COL24A1: variants seen among roughly 807,000 people sequenced by gnomAD.
COL24A1 encodes the protein collagen alpha-1(XXIV) chain.
In COL24A1, 224 loss-of-function variants were observed where a neutral mutation model predicts 253.9. The ratio of observed to expected loss-of-function variants is 0.88; its 90% CI spans 0.79 to 0.99. The LOEUF (loss-of-function observed/expected upper bound fraction) is 0.99, where lower values mean the gene tolerates loss of function less well. Ranked by LOEUF, COL24A1 falls within the 50% of genes least tolerant of loss-of-function variation. The pLI is 0.00. For synonymous variants in COL24A1, 685 were observed against 673.7 expected (o/e 1.02, Z -0.26); for missense variants, 2,131 against 2,068.5 (o/e 1.03, Z -0.59).
At position 85,823,648 on chromosome 1, in the gene COL24A1, A is replaced by C; in HGVS notation, c.3735+37T>G. ...AAGCAGAGACCAAATAAGTTATATTAATGTTAATTTTTAGAAATAATGCTT... is the reference window on the plus strand; with the variant it reads ...AAGCAGAGACCAAATAAGTTATATTCATGTTAATTTTTAGAAATAATGCTT... On this transcript the variant is annotated intron_variant, in intron 44 of 59. Transcript: ENST00000370571. 1.9e-6 allele frequency: 3 copies of C among 1,613,028 alleles called. No individual in the cohort carries two copies. In the African/African-American group the frequency reaches 4.0e-5, roughly 22 times the overall value.
In COL24A1 at chr1:85,971,390, G is replaced by A. The variant is rs776524068; in HGVS notation, c.2368C>T (p.Leu790Phe). Residue 790 changes from leucine to phenylalanine, a missense_variant, in exon 21 of 60, where the codon CTC (leucine) becomes TTC (phenylalanine). Coordinates refer to ENST00000370571, the MANE Select transcript of COL24A1 (RefSeq NM_152890.7). ...CCAGGAGGTCCTCTATTTCCAAGGA[G>A]TCCCTATAAAAGCAATATAAATGCA... ...GQNGPEGPKG[L>F]LGNRGPPGPP... 4 of 1,610,564 alleles carry A rather than the reference G, an allele frequency of 2.5e-6. No homozygotes were observed. Among genetic ancestry groups the A allele is most frequent in the Non-Finnish European group, 3.4e-6 (4 of 1,178,186 alleles).
intron 12 of COL24A1, among the ~76,000 whole-genome samples, chr1:86,035,412 GA>G (rs1334682017): frequency 1.3e-5 from 2 of 152,108 alleles, no homozygotes; most frequent in African/African-American, 4.8e-5. Context: ...AGAGATGATT[GA>G]TTTTTTTTAG....
intron 37 of COL24A1, among the ~76,000 whole-genome samples, 164 bp from the exon 38 acceptor site, chr1:85,849,570 A>G (rs1364351359): frequency 6.6e-6 from 1 of 152,170 alleles, no homozygotes. Flanking sequence ...AGAGGTCACA[A>G]TGACTTAGAG....
At chr1:85,908,295 C>T (rs4146294) in intron 27 of COL24A1, among the ~76,000 whole-genome samples, 47,455 of 151,388 alleles carry the variant, frequency 0.31, 8,445 homozygotes, top group East Asian at 0.51. Context: ...ATTTATTTAT[C>T]CAATTGGTCT....
chr1:85,871,627 C>T (rs1680503064), intron 35 of COL24A1, among the ~76,000 whole-genome samples: 1 of 152,152 alleles, frequency 6.6e-6, no homozygotes, highest in Non-Finnish European at 1.5e-5. Context: ...GCAGAAAAGG[C>T]CTTTGACAAA....
At chr1:85,918,084 C>T (rs1686076419) in intron 24 of COL24A1, among the ~76,000 whole-genome samples, 1 of 151,008 alleles carries the variant, frequency 6.6e-6, no homozygotes, top group African/African-American at 2.4e-5. Flanking sequence ...CTTTCATTGA[C>T]AAGAAGTCCT....
rs1198861550 is a variant in COL24A1, at chr1:85,783,636, A to G, written c.4222-78T>C. 7 of 1,302,090 alleles carry G rather than the reference A, an allele frequency of 5.4e-6. No homozygotes were observed. The African/African-American group carries it at 8.8e-5, about 16-fold the overall frequency. 80.7% of individuals were successfully genotyped at this position (1,302,090 alleles called of 1,614,324 possible). A position where few individuals can be genotyped will look rare whatever the true frequency, so the allele number is the denominator to read the frequency against. On this transcript the variant is annotated intron_variant, in intron 50 of 59. Transcript: ENST00000370571. ...TTTTACAAAACTATATAAATCTATC[A>G]AGAATTGCTCTTTTAAAAATGGAAT...
chr1:85,919,033 T>C (rs958969418), intron 24 of COL24A1, among the ~76,000 whole-genome samples: 5 of 152,144 alleles, frequency 3.3e-5, no homozygotes, highest in South Asian at 2.1e-4. Context: ...GAAAGTGATA[T>C]GTACCACTTT....
intron 1 of COL24A1, among the ~76,000 whole-genome samples, chr1:86,148,566 T>C (rs1348901210): frequency 6.6e-6 from 1 of 151,738 alleles, no homozygotes; most frequent in Non-Finnish European, 1.5e-5. Context: ...GTTTTCATTG[T>C]TCAATTCCCA....
chr1:86,112,744 T>C (rs577792856), intron 4 of COL24A1, 124 bp from the exon 5 acceptor site: 2 of 812,196 alleles, frequency 2.5e-6, no homozygotes, highest in South Asian at 2.4e-5. Flanking sequence ...TATGTTATTA[T>C]GTATGCCTTA....
chr1:85,769,832 A>G (rs1259695665), intron 53 of COL24A1, among the ~76,000 whole-genome samples: 1 of 152,198 alleles, frequency 6.6e-6, no homozygotes, highest in Non-Finnish European at 1.5e-5. Context: ...ACTGCATGCC[A>G]TATTTCTATC....
At chr1:85,946,302 G>C (rs1319466691) in intron 24 of COL24A1, among the ~76,000 whole-genome samples, 2 of 152,084 alleles carry the variant, frequency 1.3e-5, no homozygotes, top group Non-Finnish European at 2.9e-5. Context: ...ACCGCACCGG[G>C]TTTCCGCGGG....
intron 2 of COL24A1, among the ~76,000 whole-genome samples, chr1:86,128,528 C>T (rs7546401): frequency 0.024 from 3,626 of 152,010 alleles, 53 homozygotes; most frequent in Middle Eastern, 0.048. Flanking sequence ...AAGGGCTGCA[C>T]GCTGCCCCAA....
At chr1:85,907,158 G>GA (rs1684918008) in intron 28 of COL24A1, 36 bp downstream of exon 28, 1 of 1,549,052 alleles carries the variant, frequency 6.5e-7, no homozygotes, top group African/African-American at 1.4e-5. Flanking sequence ...AGTAATTTTG[G>GA]GGGGGTTAAT....
chr1:85,956,128 A>G (rs1690442545), intron 24 of COL24A1, among the ~76,000 whole-genome samples: 1 of 152,248 alleles, frequency 6.6e-6, no homozygotes, highest in Non-Finnish European at 1.5e-5. Context: ...TACTCACTGT[A>G]TGAATTTGGA....
intron 19 of COL24A1, among the ~76,000 whole-genome samples, chr1:86,004,389 A>G (rs927476114): frequency 3.9e-5 from 6 of 152,172 alleles, no homozygotes; most frequent in African/African-American, 1.4e-4. Context: ...TTTACATTGA[A>G]GGAGGGGCAA....
intron 47 of COL24A1, among the ~76,000 whole-genome samples, chr1:85,808,655 G>A (rs1672225631): frequency 6.6e-6 from 1 of 152,168 alleles, no homozygotes; most frequent in South Asian, 2.1e-4. Flanking sequence ...TTGGAGAGTA[G>A]AAAAGAACAA....
rs773653860 is a variant in COL24A1 at position 86,046,852 on chromosome 1, A to C, written c.1923T>G (p.Arg641=). 6.3e-7 allele frequency: 1 copy of C among 1,596,276 alleles called. No homozygotes were observed. The highest frequency in any genetic ancestry group is 1.1e-5 in the South Asian group (1 of 90,662). Residue 641 remains arginine (R), a synonymous_variant, in exon 12 of 60, where the codon CGT becomes CGG. Coordinates refer to ENST00000370571, the MANE Select transcript of COL24A1 (RefSeq NM_152890.7). ...GTCTCCCCTTAAAACCCTTCTTTCCACGGATCCCAGGAATGCCCTAGAATA... is the reference window on the plus strand; with the variant it reads ...GTCTCCCCTTAAAACCCTTCTTTCCCCGGATCCCAGGAATGCCCTAGAATA... ...PEGERGIPGI[R]GKKGFKGRQG...
intron 50 of COL24A1, among the ~76,000 whole-genome samples, chr1:85,783,777 T>C (rs1669383819): frequency 6.6e-6 from 1 of 152,144 alleles, no homozygotes; most frequent in South Asian, 2.1e-4. Flanking sequence ...AGCACAATAA[T>C]GCCAGCAGGG....
Sources: gnomAD v4.1 joint callset for allele counts (sites outside exome capture counted in the v4.1 genomes callset) on GRCh38, gnomAD v4.1.1 for gene constraint, MANE v1.5 for transcripts, NCBI Gene and HGNC (gene_info 2026-07-23, HGNC 2026-07-21) for gene names.